Variants in TMEM117 observed in about 807,000 individuals in gnomAD.
The protein encoded by TMEM117 is transmembrane protein 117.
Under a neutral mutation model 52.4 loss-of-function variants are expected in TMEM117, and 27 were observed. The observed-to-expected ratio is 0.51, with a 90% CI of 0.38 to 0.71. TMEM117 has a LOEUF of 0.71. TMEM117 is among the 30% of genes least tolerant of loss of function. TMEM117 has a pLI of 0.00. For synonymous variants in TMEM117, 215 were observed against 206.3 expected (o/e 1.04, Z -0.36); for missense variants, 556 against 630.5 (o/e 0.88, Z 1.26).
At chr12:44,282,016 G>A (rs763620344) in intron 5 of TMEM117, among the ~76,000 whole-genome samples, 33 of 152,116 alleles carry the variant, frequency 2.2e-4, no homozygotes, top group Non-Finnish European at 4.3e-4. Flanking sequence ...AATCACGGGG[G>A]CTGGTCTTTC....
Position 44,378,105 on chromosome 12 carries a change from T to TG in TMEM117, c.898+1389dup, listed in dbSNP as rs1036558642. ...CACACATGGCATCATCATATCCCTT[T>TG]GGGGGGGGCTTTTGCGTAGACCATC... On this transcript the variant is annotated intron_variant, in intron 7 of 7. Transcript: ENST00000266534. Among the ~76,000 whole-genome samples the TG allele has an allele frequency of 2.9e-4, 44 of 151,860 alleles. 1 individual carries two copies. The South Asian group carries it at 5.2e-3, about 18-fold the overall frequency.
At chr12:44,245,188 A>G (rs1177256224) in intron 5 of TMEM117, among the ~76,000 whole-genome samples, 3 of 151,956 alleles carry the variant, frequency 2.0e-5, no homozygotes, top group Admixed American at 2.0e-4. Flanking sequence ...TTGTGATTCC[A>G]TACACATTTT....
chr12:44,060,662 G>T (rs1306331328), intron 3 of TMEM117, among the ~76,000 whole-genome samples: 2 of 152,124 alleles, frequency 1.3e-5, no homozygotes, highest in Non-Finnish European at 2.9e-5. Flanking sequence ...TCAGACACAA[G>T]ATTTATTTTT....
chr12:44,367,132 A>G (rs1951800040), intron 6 of TMEM117, among the ~76,000 whole-genome samples: 1 of 152,150 alleles, frequency 6.6e-6, no homozygotes, highest in Non-Finnish European at 1.5e-5. Context: ...ATTTGAAACT[A>G]ATCTAATCAT....
intron 3 of TMEM117, among the ~76,000 whole-genome samples, chr12:44,039,401 T>C (rs1201257593): frequency 6.7e-6 from 1 of 149,512 alleles, no homozygotes; most frequent in Admixed American, 6.7e-5. Flanking sequence ...TTATTGTATA[T>C]ATAACTATAT....
At chr12:44,129,116 C>T (rs1368821399) in intron 3 of TMEM117, among the ~76,000 whole-genome samples, 4 of 152,220 alleles carry the variant, frequency 2.6e-5, no homozygotes, top group Non-Finnish European at 4.4e-5. Flanking sequence ...TCTGTCTACT[C>T]AGCATGAGTG....
At chr12:44,006,387 TAGG>T (rs931938065) in intron 3 of TMEM117, among the ~76,000 whole-genome samples, 2 of 152,130 alleles carry the variant, frequency 1.3e-5, no homozygotes, top group African/African-American at 4.8e-5. Flanking sequence ...AGTGGGTACT[TAGG>T]AGAGAAACAA....
intron 3 of TMEM117, among the ~76,000 whole-genome samples, chr12:44,035,865 A>C (rs968829708): frequency 2.6e-5 from 4 of 152,186 alleles, no homozygotes; most frequent in African/African-American, 9.7e-5. Context: ...TGGGAATCAC[A>C]CCTGAAGAGA....
chr12:43,845,656 T>A (rs1468560733), intron 2 of TMEM117, among the ~76,000 whole-genome samples: 1 of 152,022 alleles, frequency 6.6e-6, no homozygotes, highest in African/African-American at 2.4e-5. Context: ...ACTCAACATT[T>A]ACATTAGGTA....
the TMEM117 span, among the ~76,000 whole-genome samples, chr12:43,796,196 AAT>A: frequency 1.0e-3 from 158 of 152,268 alleles, 1 homozygote; most frequent in East Asian, 0.021. Context: ...CAACAATAAG[AAT>A]ATATGACAGA....
chr12:43,836,455 A>G (rs1382150804), intron 1 of TMEM117, among the ~76,000 whole-genome samples: 2 of 152,072 alleles, frequency 1.3e-5, no homozygotes, highest in Non-Finnish European at 2.9e-5. Context: ...GGCTAAGGGC[A>G]GAGGAGACTC....
intron 5 of TMEM117, among the ~76,000 whole-genome samples, chr12:44,241,831 G>T (rs1488641437): frequency 1.3e-5 from 2 of 151,872 alleles, no homozygotes; most frequent in East Asian, 3.9e-4. Flanking sequence ...CTTCTCTATA[G>T]ATCCATTTTT....
rs375728314 is a variant in TMEM117, at chr12:44,131,205, CT to C, written c.411-12319del. The stretch of plus-strand genomic sequence containing the variant: ...TTCTCACAGTGCTTTCATTATTATC[CT>C]GTTCAAAATATTTACTCTGCCTCAT... On this transcript the variant is annotated intron_variant, in intron 3 of 7. Coordinates refer to ENST00000266534, the MANE Select transcript of TMEM117 (RefSeq NM_032256.3). 3.8e-4 allele frequency among the ~76,000 whole-genome samples: 58 copies of C among 152,156 alleles called. No individual in the cohort carries two copies. The East Asian group carries it at 9.3e-3, about 24-fold the overall frequency.
At chr12:43,946,378 G>GTTTTTTTT (rs1244597058) in intron 3 of TMEM117, among the ~76,000 whole-genome samples, 3 of 113,472 alleles carry the variant, frequency 2.6e-5, no homozygotes, top group East Asian at 2.4e-4. Context: ...ATATAATTCT[G>GTTTTTTTT]TTTTTTTTTT....
intron 6 of TMEM117, among the ~76,000 whole-genome samples, chr12:44,308,619 C>CTTTTTT: frequency 7.2e-6 from 1 of 137,936 alleles, no homozygotes; most frequent in South Asian, 2.3e-4. Flanking sequence ...TTCTTTGTAA[C>CTTTTTT]TTTTTTTTTT....
At chr12:43,805,401 T>C in the TMEM117 span, 1 of 370,140 alleles carries the variant, frequency 2.7e-6, no homozygotes, top group Admixed American at 3.2e-5. Flanking sequence ...AAACATACAA[T>C]TAAGTGTTCA....
At chr12:43,931,130 A>G (rs1592372467) in intron 2 of TMEM117, among the ~76,000 whole-genome samples, 1 of 152,250 alleles carries the variant, frequency 6.6e-6, no homozygotes, top group African/African-American at 2.4e-5. Context: ...CTCACACAGG[A>G]CTAAGAATAG....
At chr12:43,988,125 G>A (rs1945878447) in intron 3 of TMEM117, among the ~76,000 whole-genome samples, 1 of 152,036 alleles carries the variant, frequency 6.6e-6, no homozygotes, top group South Asian at 2.1e-4. Context: ...ATGAAAATTT[G>A]AAATATTGTA....
At chr12:43,967,901 G>A (rs79163779) in intron 3 of TMEM117, among the ~76,000 whole-genome samples, 2 of 152,198 alleles carry the variant, frequency 1.3e-5, no homozygotes, top group African/African-American at 2.4e-5. Flanking sequence ...GTGTGGACAC[G>A]CACACATACA....
Sources: allele counts gnomAD v4.1 joint callset (sites outside exome capture counted in the v4.1 genomes callset), GRCh38; gene constraint gnomAD v4.1.1; transcripts MANE v1.5; gene names NCBI Gene and HGNC (gene_info 2026-07-23, HGNC 2026-07-21).